The following GOLGA4 variants were observed in gnomAD, a reference collection of about 807,000 sequenced individuals.
GOLGA4 encodes the protein golgin A4.
GOLGA4 carries 169 observed loss-of-function variants against 265.9 expected under a neutral mutation model. That is an observed-to-expected ratio of 0.64 (90% confidence interval 0.56 to 0.72). GOLGA4 has a LOEUF of 0.72. Among genes scored for constraint, GOLGA4 ranks in the 30% least tolerant of loss-of-function variants. The pLI, the probability that GOLGA4 is intolerant of heterozygous loss-of-function variation, is 0.00. For missense variants in GOLGA4, 2,482 were observed against 2,483.4 expected (o/e 1.00, Z 0.01); for synonymous variants, 923 against 855.8 (o/e 1.08, Z -1.37).
intron 16 of GOLGA4, among the ~76,000 whole-genome samples, chr3:37,331,927 AC>A (rs1324981397): frequency 1.2e-4 from 19 of 152,142 alleles, no homozygotes; most frequent in African/African-American, 4.3e-4. Context: ...ATGGTTTGAA[AC>A]ATCCTGAGAA....
chr3:37,261,196 G>T (rs1560285864), intron 2 of GOLGA4, among the ~76,000 whole-genome samples: 2 of 152,088 alleles, frequency 1.3e-5, no homozygotes, highest in Admixed American at 6.6e-5. Context: ...AAGTCTGCTG[G>T]TTGTTGTTGG....
At chr3:37,284,304 G>A (rs567187383) in intron 3 of GOLGA4, among the ~76,000 whole-genome samples, 1 of 152,076 alleles carries the variant, frequency 6.6e-6, no homozygotes, top group Non-Finnish European at 1.5e-5. Flanking sequence ...TCACTCTGTA[G>A]CCCAGGGTGG....
chr3:37,338,123 T>C (rs575816742), intron 19 of GOLGA4, among the ~76,000 whole-genome samples: 9 of 152,344 alleles, frequency 5.9e-5, no homozygotes, highest in Non-Finnish European at 1.2e-4. Flanking sequence ...ACAATATATG[T>C]AAGTCAGTTT....
At position 37,324,120 on chromosome 3, in the gene GOLGA4, T is replaced by C. The variant is rs763804031; in HGVS notation, c.2234T>C (p.Val745Ala). The change falls in exon 14 of 24, where the codon GTA (valine) becomes GCA (alanine). Residue 745 changes from valine to alanine, a missense_variant. Transcript: ENST00000361924. The part of the protein sequence containing the change: ...QVDSIIKEHE[V>A]SIQRTEKALK... ...GACAGTATCATTAAAGAACACGAGG[T>C]ATCTATCCAGAGGACTGAGAAGGCA... 2 of 1,613,996 alleles carry C rather than the reference T, an allele frequency of 1.2e-6. No individual in the cohort carries two copies. Among genetic ancestry groups the C allele is most frequent in the East Asian group, 4.5e-5 (2 of 44,872 alleles).
At chr3:37,339,146 G>GCCA (rs2097024483) in intron 19 of GOLGA4, among the ~76,000 whole-genome samples, 1 of 152,182 alleles carries the variant, frequency 6.6e-6, no homozygotes, top group African/African-American at 2.4e-5. Flanking sequence ...ACAGGCATGA[G>GCCA]CCACCGTGCC....
rs2150559256 is a variant in GOLGA4, at chr3:37,243,461, A to G, written c.-90A>G. ...CCCGGCCCCCGCTGTCCCTGGTGTA[A>G]AGAAGTCGCCGTAGCCGTCGCGGCC... On this transcript the variant is annotated 5_prime_UTR_variant, in exon 1 of 24. It removes the in-frame stop codon of an upstream open reading frame in the 5' UTR. Transcript: ENST00000361924. 1 of 1,114,546 alleles carries G rather than the reference A, an allele frequency of 9.0e-7. No individual in the cohort carries two copies. The highest frequency in any genetic ancestry group is 1.4e-6 in the Non-Finnish European group (1 of 727,664). The allele number at this position is 1,114,546 out of a possible 1,614,324, so 69.0% of individuals were successfully genotyped here. A position where few individuals can be genotyped will look rare whatever the true frequency, so the allele number is the denominator to read the frequency against.
At chr3:37,309,533 T>A (rs1263995205) in intron 10 of GOLGA4, among the ~76,000 whole-genome samples, 1 of 152,122 alleles carries the variant, frequency 6.6e-6, no homozygotes, top group Non-Finnish European at 1.5e-5. Context: ...CCAGCCTGGC[T>A]GACAGAGCGA....
At chr3:37,333,278 G>A (rs931915797) in intron 16 of GOLGA4, among the ~76,000 whole-genome samples, 3 of 152,074 alleles carry the variant, frequency 2.0e-5, no homozygotes, top group African/African-American at 7.2e-5. Flanking sequence ...TAGTGATTTT[G>A]TTTTGGCATA....
rs779584541 is a variant in GOLGA4 at position 37,312,523 on chromosome 3, C to CT, written c.1235-2881dup. Among the ~76,000 whole-genome samples the CT allele has an allele frequency of 5.2e-3, 717 of 138,992 alleles. 4 individuals carry two copies. Among genetic ancestry groups the CT allele is most frequent in the African/African-American group, 0.01 (395 of 37,900 alleles). The allele number at this position is 138,992 out of a possible 152,430, so 91.2% of individuals were successfully genotyped here. On this transcript the variant is annotated intron_variant, in intron 10 of 23. Transcript: ENST00000361924. ...ATGCCAGTAAAGTTAGAATAGGAATCTTTTTTTTTTTTTTTTGAGAGACAG... is the reference window on the plus strand; with the variant it reads ...ATGCCAGTAAAGTTAGAATAGGAATCTTTTTTTTTTTTTTTTTGAGAGACAG...
At chr3:37,333,901 G>A (rs1188370148) in intron 16 of GOLGA4, among the ~76,000 whole-genome samples, 2 of 152,138 alleles carry the variant, frequency 1.3e-5, no homozygotes, top group Admixed American at 1.3e-4. Flanking sequence ...CTTATTTTGT[G>A]CCATAGGGCC....
intron 10 of GOLGA4, among the ~76,000 whole-genome samples, chr3:37,314,049 G>T (rs2150922765): frequency 6.6e-6 from 1 of 151,130 alleles, no homozygotes; most frequent in East Asian, 2.0e-4. Flanking sequence ...GCTTGCTGCA[G>T]CCTCTGTCTC....
At chr3:37,244,492 G>A (rs187202558) in intron 1 of GOLGA4, among the ~76,000 whole-genome samples, 33 of 152,278 alleles carry the variant, frequency 2.2e-4, no homozygotes, top group African/African-American at 7.9e-4. Context: ...GGCAGCACAG[G>A]GTCTTAACAG....
Position 37,274,482 on chromosome 3 carries a change from A to G in GOLGA4, c.163-7476A>G, listed in dbSNP as rs975517376. 5.9e-5 allele frequency among the ~76,000 whole-genome samples: 9 copies of G among 152,094 alleles called. No homozygotes were observed. In the South Asian group the frequency reaches 6.2e-4, roughly 11 times the overall value. ...TGAGGTAGGTGGATCGCTTGAGACC[A>G]GGAGTTCGAGACCAGCCCAGCCAAC... On this transcript the variant is annotated intron_variant, in intron 2 of 23. Transcript: ENST00000361924.
chr3:37,286,342 A>G (rs2096849334), intron 4 of GOLGA4, among the ~76,000 whole-genome samples: 1 of 149,056 alleles, frequency 6.7e-6, no homozygotes, highest in Non-Finnish European at 1.5e-5. Flanking sequence ...TTTAGTAGAG[A>G]CGGGGTTTCA....
intron 2 of GOLGA4, among the ~76,000 whole-genome samples, chr3:37,269,126 G>A (rs1254130784): frequency 6.6e-6 from 1 of 152,242 alleles, no homozygotes; most frequent in African/African-American, 2.4e-5. Flanking sequence ...GGGAACCTGT[G>A]TGTGCTTTTA....
chr3:37,340,684 A>C (rs1290896325), intron 20 of GOLGA4, among the ~76,000 whole-genome samples: 2 of 152,194 alleles, frequency 1.3e-5, no homozygotes, highest in African/African-American at 4.8e-5. Context: ...TCCACATGTA[A>C]GTGAGATTAT....
intron 5 of GOLGA4, among the ~76,000 whole-genome samples, chr3:37,291,304 C>G (rs1373311819): frequency 6.6e-6 from 1 of 152,106 alleles, no homozygotes; most frequent in Non-Finnish European, 1.5e-5. Context: ...CAGCCCTTCT[C>G]CACTAAGAGC....
In GOLGA4 at chr3:37,326,479, G is replaced by A. The variant is rs1485078614; in HGVS notation, c.4593G>A (p.Glu1531=). The A allele has an allele frequency of 8.7e-6, 14 of 1,609,156 alleles. No homozygotes were observed. Among genetic ancestry groups the A allele is most frequent in the East Asian group, 2.2e-5 (1 of 44,800 alleles). ...KSQTARIMEL[E]DHITQKTIEI... ...AAACAGCAAGAATTATGGAATTAGA[G>A]GACCATATTACCCAGAAAACTATTG... The change falls in exon 14 of 24, where the codon GAG becomes GAA. Residue 1531 remains glutamate, a synonymous_variant. Coordinates refer to ENST00000361924, the MANE Select transcript of GOLGA4 (RefSeq NM_002078.5).
Position 37,324,077 on chromosome 3 carries a change from C to G in GOLGA4, c.2191C>G (p.His731Asp). The change falls in exon 14 of 24, where the codon CAT (histidine) becomes GAT (aspartate). Residue 731 changes from histidine to aspartate, a missense_variant. Around this residue, in one of 3 missense-constraint regions of GOLGA4, gnomAD observed 1,536 missense variants for 1,483.7 expected, o/e 1.04. Coordinates refer to ENST00000361924, the MANE Select transcript of GOLGA4 (RefSeq NM_002078.5). The part of the protein sequence containing the change: ...LEAKMDEQKN[H>D]HQQQVDSIIK... ...GGCCAAGATGGATGAACAGAAAAATCATCACCAGCAGCAAGTTGACAGTAT... is the reference window on the plus strand; with the variant it reads ...GGCCAAGATGGATGAACAGAAAAATGATCACCAGCAGCAAGTTGACAGTAT... The G allele has an allele frequency of 6.2e-7, 1 of 1,614,048 alleles. No homozygotes were observed. The highest frequency in any genetic ancestry group is 8.5e-7 in the Non-Finnish European group (1 of 1,180,016).
Sources: allele counts gnomAD v4.1 joint callset (sites outside exome capture counted in the v4.1 genomes callset), GRCh38; gene constraint gnomAD v4.1.1; regional missense constraint gnomAD v4.1.1; transcripts MANE v1.5; gene names NCBI Gene and HGNC (gene_info 2026-07-23, HGNC 2026-07-21).